Variants in PDE4D observed in about 807,000 individuals in gnomAD.
PDE4D encodes 3',5'-cyclic-AMP phosphodiesterase 4D.
A neutral mutation model predicts 87.4 loss-of-function variants in PDE4D; 24 were observed. The ratio of observed to expected loss-of-function variants is 0.27; its 90% CI spans 0.20 to 0.39. The LOEUF is 0.39. Among genes scored for constraint, PDE4D ranks in the 10% least tolerant of loss-of-function variants. The pLI, the probability that PDE4D is intolerant of heterozygous loss-of-function variation, is 1.00. For missense variants in PDE4D, 714 were observed against 1,041.0 expected (o/e 0.69, Z 4.32); for synonymous variants, 384 against 383.2 (o/e 1.00, Z -0.02).
intron 1 of PDE4D, among the ~76,000 whole-genome samples, chr5:59,529,895 G>A (rs901003037): frequency 1.3e-5 from 2 of 152,182 alleles, no homozygotes; most frequent in Non-Finnish European, 2.9e-5. Flanking sequence ...GGACCTGTCA[G>A]GATGTAAAAA....
intron 2 of PDE4D, among the ~76,000 whole-genome samples, chr5:60,170,398 G>T (rs1398901022): frequency 6.6e-6 from 1 of 151,896 alleles, no homozygotes; most frequent in African/African-American, 2.4e-5. Flanking sequence ...AACTAAAAAA[G>T]AAGGAAAAGA....
upstream of PDE4D, among the ~76,000 whole-genome samples, chr5:59,895,896 TATC>T (rs1186753483): frequency 2.0e-5 from 3 of 152,250 alleles, no homozygotes; most frequent in Non-Finnish European, 4.4e-5. Context: ...ATGAAAACTT[TATC>T]TTTTATATAT....
chr5:60,084,390 G>T (rs1033892788), intron 2 of PDE4D, among the ~76,000 whole-genome samples: 3 of 41,354 alleles, frequency 7.3e-5, no homozygotes, highest in African/African-American at 2.6e-4. Flanking sequence ...GCATCTTAAC[G>T]TGTGTGTGTG....
At chr5:59,529,313 AAAAG>A (rs1473754861) in intron 1 of PDE4D, 2 of 312,482 alleles carry the variant, frequency 6.4e-6, no homozygotes, top group African/African-American at 4.4e-5. Context: ...AATCATTAAA[AAAAG>A]AAAGAAAGGA....
intron 1 of PDE4D, among the ~76,000 whole-genome samples, chr5:59,518,438 C>A (rs1811570235): frequency 6.6e-6 from 1 of 152,046 alleles, no homozygotes; most frequent in Non-Finnish European, 1.5e-5. Context: ...TTTGTCAGTG[C>A]TGGGCTGTGC....
At chr5:59,811,377 T>G (rs533206656) in intron 1 of PDE4D, among the ~76,000 whole-genome samples, 1 of 152,350 alleles carries the variant, frequency 6.6e-6, no homozygotes, top group Non-Finnish European at 1.5e-5. Context: ...ACCAAAAATA[T>G]GCAAGTCTGC....
chr5:59,558,392 TGAAG>T (rs537123868), intron 1 of PDE4D, among the ~76,000 whole-genome samples: 29 of 152,022 alleles, frequency 1.9e-4, no homozygotes, highest in Non-Finnish European at 3.5e-4. Flanking sequence ...GGTGAAGCCT[TGAAG>T]GAAGTGAGCC....
intron 5 of PDE4D, among the ~76,000 whole-genome samples, chr5:59,167,162 G>A (rs898161843): frequency 6.6e-5 from 10 of 152,020 alleles, no homozygotes; most frequent in African/African-American, 1.4e-4. Context: ...CTAACACATC[G>A]GCGTGACTTT....
intron 1 of PDE4D, among the ~76,000 whole-genome samples, chr5:60,199,409 G>T (rs1216090465): frequency 6.6e-6 from 1 of 151,628 alleles, no homozygotes; most frequent in Non-Finnish European, 1.5e-5. Context: ...ATTAGATTTT[G>T]CTCTCTCTTC....
intron 5 of PDE4D, among the ~76,000 whole-genome samples, chr5:59,086,558 C>G (rs1271173233): frequency 6.6e-6 from 1 of 152,134 alleles, no homozygotes; most frequent in Non-Finnish European, 1.5e-5. Flanking sequence ...ACCCCCAAAA[C>G]TACAATACCT....
intron 2 of PDE4D, among the ~76,000 whole-genome samples, chr5:60,064,527 C>T (rs948325015): frequency 4.6e-5 from 7 of 152,090 alleles, no homozygotes; most frequent in South Asian, 2.1e-4. Flanking sequence ...ACTTTGCAAT[C>T]TTCTTATTTT....
At chr5:59,042,334 G>A (rs561751186) in intron 5 of PDE4D, among the ~76,000 whole-genome samples, 9 of 152,092 alleles carry the variant, frequency 5.9e-5, no homozygotes, top group South Asian at 4.2e-4. Flanking sequence ...TCATCCCGCC[G>A]AACAAACCTC....
intron 2 of PDE4D, among the ~76,000 whole-genome samples, chr5:60,046,692 C>A (rs2152874197): frequency 6.6e-6 from 1 of 152,266 alleles, no homozygotes; most frequent in South Asian, 2.1e-4. Context: ...TATATTGAAC[C>A]AGCCTTGCAT....
At chr5:60,385,113 C>A (rs1377611137) in intron 1 of PDE4D, among the ~76,000 whole-genome samples, 1 of 152,170 alleles carries the variant, frequency 6.6e-6, no homozygotes, top group Non-Finnish European at 1.5e-5. Context: ...CACTGTTCCT[C>A]CACAAGCCAA....
At chr5:59,109,695 G>T (rs966617214) in intron 5 of PDE4D, among the ~76,000 whole-genome samples, 1 of 152,200 alleles carries the variant, frequency 6.6e-6, no homozygotes, top group South Asian at 2.1e-4. Context: ...AGAGAGGAGA[G>T]GTCAAGGAGC....
At chr5:59,535,283 C>T (rs1248465744) in intron 1 of PDE4D, among the ~76,000 whole-genome samples, 1 of 152,062 alleles carries the variant, frequency 6.6e-6, no homozygotes, top group Admixed American at 6.6e-5. Context: ...TGGGTCCTGT[C>T]CCCAGAAAGT....
intron 2 of PDE4D, among the ~76,000 whole-genome samples, chr5:60,056,925 G>A (rs1323378039): frequency 2.6e-5 from 4 of 152,024 alleles, no homozygotes; most frequent in African/African-American, 9.7e-5. Context: ...CAGTGTTTAT[G>A]TAACCTAAAA....
At chr5:59,753,028 G>T (rs1760707015) in intron 1 of PDE4D, among the ~76,000 whole-genome samples, 1 of 152,170 alleles carries the variant, frequency 6.6e-6, no homozygotes, top group African/African-American at 2.4e-5. Context: ...GGCTTCTTTT[G>T]CACTACCGTG....
intron 1 of PDE4D, among the ~76,000 whole-genome samples, chr5:60,431,522 G>A (rs1027656634): frequency 2.6e-5 from 4 of 151,598 alleles, no homozygotes; most frequent in Non-Finnish European, 5.9e-5. Flanking sequence ...GATGGAGGTC[G>A]GGAAGAGGCG....
Sources: allele counts gnomAD v4.1 joint callset (sites outside exome capture counted in the v4.1 genomes callset), GRCh38; gene constraint gnomAD v4.1.1; transcripts MANE v1.5; gene names NCBI Gene and HGNC (gene_info 2026-07-23, HGNC 2026-07-21).